Variants in STX18 observed in about 807,000 individuals in gnomAD.
STX18 encodes syntaxin-18.
A neutral mutation model predicts 50.1 loss-of-function variants in STX18; 40 were observed. That is an observed-to-expected ratio of 0.80 (90% CI 0.62 to 1.04). The LOEUF (loss-of-function observed/expected upper bound fraction) is 1.04. STX18 is among the 50% of genes least tolerant of loss of function. The probability of loss-of-function intolerance (pLI) is 0.00; values close to 1 mark genes in which losing one functional copy is unlikely to be tolerated. For missense variants in STX18, 410 were observed against 415.8 expected (o/e 0.99, Z 0.12); for synonymous variants, 158 against 151.8 (o/e 1.04, Z -0.30).
intron 3 of STX18, 28 bp from the exon 4 acceptor site, chr4:4,457,528 C>A: frequency 1.3e-6 from 2 of 1,553,440 alleles, no homozygotes; most frequent in South Asian, 1.1e-5. Context: ...AATGTTCAGG[C>A]CTTCGCACTC....
Position 4,420,918 on chromosome 4 carries a change from C to G in STX18, c.858G>C (p.Gln286His), listed in dbSNP as rs145159636. 152 of 1,614,058 alleles carry G rather than the reference C, an allele frequency of 9.4e-5. No homozygotes were observed. The highest frequency in any genetic ancestry group is 1.2e-4 in the Non-Finnish European group (146 of 1,180,036). ...TATTTTCAGTTGCCCCCACAACTAA[C>G]TGGTGAATGCTGTCAATCTCAGCTT... ...QQEAEIDSIH[Q>H]LVVGATENIK... Residue 286 changes from glutamine (Q) to histidine (H), a missense_variant, in exon 10 of 11, where the codon CAG becomes CAC. Physicochemically the swap from Gln to His is conservative, Grantham distance 24. Transcript: ENST00000306200. This position sits in a 1 kb window ranked among gnomAD's most constrained non-coding sequence, Gnocchi z 4.3.
chr4:4,464,384 G>A (rs1237445541), intron 2 of STX18, among the ~76,000 whole-genome samples: 5 of 152,150 alleles, frequency 3.3e-5, no homozygotes, highest in African/African-American at 1.2e-4. Context: ...TCGATGACTT[G>A]CATCATTCCT....
intron 3 of STX18, among the ~76,000 whole-genome samples, chr4:4,458,393 G>A (rs550740869): frequency 2.6e-5 from 4 of 152,288 alleles, no homozygotes; most frequent in African/African-American, 9.6e-5. Context: ...CAGGAGCTCT[G>A]TGAAATTGCA....
At chr4:4,459,049 A>AACACACACACAC (rs1054012083) in intron 3 of STX18, among the ~76,000 whole-genome samples, 2 of 121,826 alleles carry the variant, frequency 1.6e-5, no homozygotes, top group Non-Finnish European at 3.5e-5. Flanking sequence ...TGCCACACAG[A>AACACACACACAC]ACACACACAC....
chr4:4,531,175 A>ACACACACACACC (rs928961261), intron 1 of STX18, among the ~76,000 whole-genome samples: 4 of 151,806 alleles, frequency 2.6e-5, no homozygotes, highest in African/African-American at 7.3e-5. Context: ...ACACACACAC[A>ACACACACACACC]CCCTGGACTA....
At chr4:4,453,808 A>G (rs753132070) in intron 5 of STX18, 47 of 241,794 alleles carry the variant, frequency 1.9e-4, no homozygotes, top group African/African-American at 5.1e-4. Flanking sequence ...CACTACCTCA[A>G]TGAAGCCACC....
At chr4:4,528,747 C>G (rs1156967626) in intron 1 of STX18, among the ~76,000 whole-genome samples, 1 of 152,190 alleles carries the variant, frequency 6.6e-6, no homozygotes, top group Non-Finnish European at 1.5e-5. Flanking sequence ...GAAGGTGCCT[C>G]ACCCAACACT....
intron 9 of STX18, among the ~76,000 whole-genome samples, chr4:4,422,585 AAAAAGAAAAAAAAAG>A (rs1725025935): frequency 6.6e-6 from 1 of 150,982 alleles, no homozygotes; most frequent in African/African-American, 2.4e-5. Flanking sequence ...AAAAAAAAAG[AAAAAGAAAAAAAAAG>A]AAAAGAAAAA....
intron 6 of STX18, 117 bp downstream of exon 6, chr4:4,438,277 A>G (rs1204747689): frequency 1.3e-6 from 1 of 787,430 alleles, no homozygotes; most frequent in East Asian, 2.7e-5. Flanking sequence ...CCTTTGCTTT[A>G]TGCAAATACA....
intron 1 of STX18, among the ~76,000 whole-genome samples, chr4:4,524,469 A>T (rs1232157003): frequency 1.3e-5 from 2 of 152,264 alleles, no homozygotes; most frequent in Non-Finnish European, 2.9e-5. Context: ...ATTGAGGATA[A>T]GAATATCACT....
At chr4:4,468,018 A>G (rs1426141753) in intron 2 of STX18, among the ~76,000 whole-genome samples, 1 of 152,210 alleles carries the variant, frequency 6.6e-6, no homozygotes, top group Non-Finnish European at 1.5e-5. Flanking sequence ...GGCGCTTAAC[A>G]TCATTCTCAT....
intron 1 of STX18, among the ~76,000 whole-genome samples, chr4:4,505,802 CG>C (rs1729676715): frequency 6.6e-6 from 1 of 151,914 alleles, no homozygotes; most frequent in South Asian, 2.1e-4. Flanking sequence ...AAAACAAAAA[CG>C]AAAAATCGAA....
At chr4:4,493,250 C>T (rs1415060346) in intron 1 of STX18, among the ~76,000 whole-genome samples, 3 of 152,116 alleles carry the variant, frequency 2.0e-5, no homozygotes, top group Non-Finnish European at 2.9e-5. Context: ...TCTAAGCAAC[C>T]CCAATTTTTG....
chr4:4,440,349 C>T (rs1017914254), intron 5 of STX18, among the ~76,000 whole-genome samples: 12 of 152,170 alleles, frequency 7.9e-5, no homozygotes, highest in Admixed American at 3.9e-4. Context: ...CAGGTAGGTA[C>T]TAGTATTAAC....
chr4:4,459,292 A>T (rs537849266), intron 3 of STX18, 80 bp downstream of exon 3: 3 of 972,120 alleles, frequency 3.1e-6, no homozygotes, highest in Non-Finnish European at 4.8e-6. Context: ...AGGGAATTTT[A>T]ACTGGCCGCA....
chr4:4,423,184 CTG>C (rs1725056763), intron 9 of STX18, among the ~76,000 whole-genome samples: 1 of 152,230 alleles, frequency 6.6e-6, no homozygotes, highest in Admixed American at 6.5e-5. Flanking sequence ...AGATGGGAAA[CTG>C]TAGCTTGTGG....
chr4:4,423,508 G>A lies in STX18; in HGVS notation c.831+10C>T. Reference sequence around the variant, plus strand: ...GAAAACATACAGCTCCTTTGTTTTTGTTTTTTTACCTGTTGCAAAACCTTT... The same window carrying A: ...GAAAACATACAGCTCCTTTGTTTTTATTTTTTTACCTGTTGCAAAACCTTT... On this transcript the variant is annotated intron_variant, in intron 9 of 10. Coordinates refer to ENST00000306200, the MANE Select transcript of STX18 (RefSeq NM_016930.4). 2 of 1,613,634 alleles carry A rather than the reference G, an allele frequency of 1.2e-6. No individual in the cohort carries two copies. Among genetic ancestry groups the A allele is most frequent in the Non-Finnish European group, 1.7e-6 (2 of 1,179,666 alleles).
At chr4:4,467,695 A>T (rs1311000498) in intron 2 of STX18, among the ~76,000 whole-genome samples, 8 of 141,744 alleles carry the variant, frequency 5.6e-5, no homozygotes, top group African/African-American at 2.1e-4. Context: ...TGCTTATCAG[A>T]GTACCTAACA....
At chr4:4,515,796 G>A (rs1342391214) in intron 1 of STX18, among the ~76,000 whole-genome samples, 1 of 151,994 alleles carries the variant, frequency 6.6e-6, no homozygotes, top group Non-Finnish European at 1.5e-5. Context: ...ACATTTTAAA[G>A]GCTACTTAAA....
Sources: allele counts gnomAD v4.1 joint callset (sites outside exome capture counted in the v4.1 genomes callset), GRCh38; gene constraint gnomAD v4.1.1; non-coding constraint Gnocchi (gnomAD v3.1); transcripts MANE v1.5; gene names NCBI Gene and HGNC (gene_info 2026-07-23, HGNC 2026-07-21).